The following MS4A1 variants were observed in gnomAD, a reference collection of about 807,000 sequenced individuals.
MS4A1 encodes membrane spanning 4-domains A1.
MS4A1 carries 16 observed loss-of-function variants against 26.5 expected under a neutral mutation model. That is an observed-to-expected ratio of 0.60 (90% CI 0.41 to 0.92). The LOEUF is 0.92. MS4A1 is among the 40% of genes least tolerant of loss of function. MS4A1 has a pLI of 0.00. For missense variants in MS4A1, 350 were observed against 353.0 expected (o/e 0.99, Z 0.07); for synonymous variants, 128 against 117.6 (o/e 1.09, Z -0.57).
intron 1 of MS4A1, among the ~76,000 whole-genome samples, chr11:60,456,551 T>G (rs1416983371): frequency 6.6e-6 from 1 of 152,200 alleles, no homozygotes; most frequent in African/African-American, 2.4e-5. Flanking sequence ...AAGTTGAGCA[T>G]GAAATCCTGC....
chr11:60,456,195 G>A (rs188951617), intron 1 of MS4A1, among the ~76,000 whole-genome samples: 7 of 149,058 alleles, frequency 4.7e-5, no homozygotes, highest in Admixed American at 3.1e-4. Context: ...GTAGTAGATT[G>A]CAGCATATAT....
chr11:60,465,794 G>C, intron 5 of MS4A1, 127 bp from the exon 6 acceptor site: 1 of 732,692 alleles, frequency 1.4e-6, no homozygotes, highest in Non-Finnish European at 2.4e-6. Flanking sequence ...AAACAACTGA[G>C]AGAACTTCAG....
At position 60,469,595 on chromosome 11, in the gene MS4A1, G is replaced by T. The variant is rs201137573; in HGVS notation, c.*1127G>T. 1 of 152,104 alleles carries T rather than the reference G, an allele frequency of 6.6e-6. No homozygotes were observed. Among genetic ancestry groups the T allele is most frequent in the Admixed American group, 6.5e-5 (1 of 15,270 alleles). The allele number at this position is 152,104 out of a possible 1,614,324, so 9.4% of individuals were successfully genotyped here. ...GCCAGATTCAGATTTTACCCATGGGGATAAAAAGACTCAGACTTTCACCAC... is the reference window on the plus strand; with the variant it reads ...GCCAGATTCAGATTTTACCCATGGGTATAAAAAGACTCAGACTTTCACCAC... On this transcript the variant is annotated 3_prime_UTR_variant, in exon 8 of 8. Transcript: ENST00000345732.
intron 5 of MS4A1, 149 bp from the exon 6 acceptor site, chr11:60,465,772 C>A (rs1218010462): frequency 1.5e-6 from 1 of 661,854 alleles, no homozygotes; most frequent in Non-Finnish European, 2.7e-6. Flanking sequence ...TTTATAGTGA[C>A]AAAGAGGCTA....
chr11:60,458,570 G>A (rs2086222480), intron 1 of MS4A1, among the ~76,000 whole-genome samples: 2 of 152,162 alleles, frequency 1.3e-5, no homozygotes, highest in African/African-American at 4.8e-5. Context: ...TCATATTGCG[G>A]CTAATGTGGT....
rs201746563 is a variant in MS4A1, at chr11:60,462,199, C to T, written c.-176C>T. 1.4e-6 allele frequency: 1 copy of T among 737,820 alleles called. No homozygotes were observed. Among genetic ancestry groups the T allele is most frequent in the South Asian group, 1.5e-5 (1 of 67,744 alleles). 45.7% of individuals were successfully genotyped at this position (737,820 alleles called of 1,614,324 possible). A position where few individuals can be genotyped will look rare whatever the true frequency, so the allele number is the denominator to read the frequency against. On this transcript the variant is annotated 5_prime_UTR_variant, in exon 3 of 8. Coordinates refer to ENST00000345732, the MANE Select transcript of MS4A1 (RefSeq NM_152866.3). ...TCCTTTCTCAGAACTCAGCAGTAGG[C>T]CTTGCCTCAGATCCAAGGTCACTCG...
At position 60,468,231 on chromosome 11, in the gene MS4A1, G is replaced by A. The variant is rs774159973; in HGVS notation, c.676-19G>A. The A allele has an allele frequency of 1.3e-6, 2 of 1,573,600 alleles. No homozygotes were observed. The highest frequency in any genetic ancestry group is 8.7e-7 in the Non-Finnish European group (1 of 1,147,290). On this transcript the variant is annotated intron_variant, in intron 7 of 7. Transcript: ENST00000345732. The stretch of plus-strand genomic sequence containing the variant: ...CAGTGGTAAAAGTAAAGAATGGTTT[G>A]TTTAATTTTCTGTTTTAGAACATAG...
chr11:60,457,027 A>G (rs971164938), intron 1 of MS4A1, among the ~76,000 whole-genome samples: 2 of 152,186 alleles, frequency 1.3e-5, no homozygotes, highest in African/African-American at 2.4e-5. Context: ...CAGGTTCCCT[A>G]TGCAAGTCTA....
At chr11:60,459,317 T>C (rs932664198) in intron 1 of MS4A1, among the ~76,000 whole-genome samples, 2 of 152,216 alleles carry the variant, frequency 1.3e-5, no homozygotes, top group African/African-American at 4.8e-5. Flanking sequence ...GTAGTCAAAA[T>C]GCCTACTTAC....
In MS4A1 at chr11:60,461,145, C is replaced by G. The variant is rs1033102948; in HGVS notation, c.-206C>G. 6.6e-6 allele frequency: 1 copy of G among 151,672 alleles called. No homozygotes were observed. The highest frequency in any genetic ancestry group is 1.5e-5 in the Non-Finnish European group (1 of 67,998). 9.4% of individuals were successfully genotyped at this position (151,672 alleles called of 1,614,324 possible). A position where few individuals can be genotyped will look rare whatever the true frequency, so the allele number is the denominator to read the frequency against. On this transcript the variant is annotated 5_prime_UTR_variant, in exon 2 of 8. Transcript: ENST00000345732. ...CTGTGGGGAAGAGACTGACAATAAG[C>G]AATTAAATAAATAAGGTAATTTCCT...
chr11:60,466,294 T>A, intron 6 of MS4A1, 137 bp downstream of exon 6: 1 of 784,948 alleles, frequency 1.3e-6, no homozygotes, highest in Admixed American at 1.7e-5. Context: ...GAAAGAATTT[T>A]AACCACACTG....
chr11:60,459,131 T>C (rs2086227893), intron 1 of MS4A1, among the ~76,000 whole-genome samples: 1 of 152,232 alleles, frequency 6.6e-6, no homozygotes. Flanking sequence ...ATTAAAACAA[T>C]GGCAGTCCAA....
chr11:60,464,726 A>G (rs748793549), intron 5 of MS4A1, among the ~76,000 whole-genome samples: 7 of 152,206 alleles, frequency 4.6e-5, no homozygotes, highest in Non-Finnish European at 1.0e-4. Flanking sequence ...AACATTGAAC[A>G]AGTCAGTTTA....
In MS4A1 at chr11:60,462,435, A is replaced by T. The variant is rs755552110; in HGVS notation, c.61A>T (p.Ile21Phe). The T allele has an allele frequency of 2.5e-6, 4 of 1,614,194 alleles. No homozygotes were observed. The South Asian group carries it at 4.4e-5, about 18-fold the overall frequency. The change falls in exon 3 of 8, where the codon ATT (isoleucine) becomes TTT (phenylalanine). Residue 21 changes from isoleucine (I) to phenylalanine (F), a missense_variant. Coordinates refer to ENST00000345732, the MANE Select transcript of MS4A1 (RefSeq NM_152866.3). ...CCCGGCAGAGCCAATGAAAGGCCCTATTGCTATGCAATCTGGTCCAAAACC... is the reference window on the plus strand; with the variant it reads ...CCCGGCAGAGCCAATGAAAGGCCCTTTTGCTATGCAATCTGGTCCAAAACC... ...TFPAEPMKGP[I>F]AMQSGPKPLF... is the part of the protein sequence containing the mutation.
intron 2 of MS4A1, among the ~76,000 whole-genome samples, chr11:60,461,773 G>T (rs1227399399): frequency 1.3e-5 from 2 of 151,614 alleles, no homozygotes; most frequent in African/African-American, 4.8e-5. Context: ...GCCCATCTTG[G>T]CCTCCCAAAG....
chr11:60,462,269 T>G lies in MS4A1; in HGVS notation c.-106T>G. ...TCAATGACACTCATGGAGGAAATGC[T>G]GAGAGAAGCATTCAGATGCATGACA... On this transcript the variant is annotated 5_prime_UTR_variant, in exon 3 of 8. Transcript: ENST00000345732. The G allele has an allele frequency of 8.1e-7, 1 of 1,233,610 alleles. No homozygotes were observed. Among genetic ancestry groups the G allele is most frequent in the Non-Finnish European group, 1.2e-6 (1 of 843,464 alleles). 76.4% of individuals were successfully genotyped at this position (1,233,610 alleles called of 1,614,324 possible).
At chr11:60,461,562 C>G (rs529632220) in intron 2 of MS4A1, among the ~76,000 whole-genome samples, 2 of 151,766 alleles carry the variant, frequency 1.3e-5, no homozygotes, top group East Asian at 3.9e-4. Context: ...CTCTGTTACC[C>G]AGGCTGGAAT....
chr11:60,460,114 T>C (rs1565193397), intron 1 of MS4A1, among the ~76,000 whole-genome samples: 1 of 151,986 alleles, frequency 6.6e-6, no homozygotes, highest in Non-Finnish European at 1.5e-5. Context: ...AGTATGGTGG[T>C]GGTTGCCCGT....
At chr11:60,462,558 T>C (rs2086257262) in intron 3 of MS4A1, 25 bp downstream of exon 3, 2 of 1,613,884 alleles carry the variant, frequency 1.2e-6, no homozygotes, top group African/African-American at 1.3e-5. Context: ...TTCCATCCCA[T>C]GTCGTAGGGA....
Sources: allele counts gnomAD v4.1 joint callset (sites outside exome capture counted in the v4.1 genomes callset), GRCh38; gene constraint gnomAD v4.1.1; transcripts MANE v1.5; gene names NCBI Gene and HGNC (gene_info 2026-07-23, HGNC 2026-07-21).